Variants in ALDH1L2 observed in about 807,000 individuals in gnomAD.
ALDH1L2 encodes mitochondrial 10-formyltetrahydrofolate dehydrogenase.
ALDH1L2 carries 91 observed loss-of-function variants against 111.0 expected under a neutral mutation model. The observed-to-expected ratio is 0.82, with a 90% CI of 0.69 to 0.98. The LOEUF (loss-of-function observed/expected upper bound fraction) is 0.98, where lower values mean the gene tolerates loss of function less well. ALDH1L2 is among the 50% of genes least tolerant of loss of function. ALDH1L2 has a pLI of 0.00. For synonymous variants in ALDH1L2, 374 were observed against 392.6 expected, an observed-to-expected ratio of 0.95 and a Z score of 0.56; for missense variants, 995 against 1,126.8, an observed-to-expected ratio of 0.88 and a Z score of 1.67.
intron 9 of ALDH1L2, 106 bp downstream of exon 9, chr12:105,060,875 G>T: frequency 2.6e-6 from 2 of 775,074 alleles, no homozygotes; most frequent in Non-Finnish European, 2.1e-6. Flanking sequence ...GTATGATAAG[G>T]TAATCACATC....
chr12:105,054,275 A>G (rs1357164444), intron 10 of ALDH1L2, among the ~76,000 whole-genome samples: 1 of 152,214 alleles, frequency 6.6e-6, no homozygotes, highest in Non-Finnish European at 1.5e-5. Flanking sequence ...TTAAAAACAA[A>G]TGGGTGAGAA....
chr12:105,060,175 C>T (rs535036146), intron 9 of ALDH1L2, among the ~76,000 whole-genome samples: 4 of 145,352 alleles, frequency 2.8e-5, no homozygotes, highest in Non-Finnish European at 6.0e-5. Flanking sequence ...ATGGGGGGGG[C>T]GAGGGTAGGA....
At chr12:105,068,093 G>T (rs1404042155) in intron 4 of ALDH1L2, among the ~76,000 whole-genome samples, 2 of 152,116 alleles carry the variant, frequency 1.3e-5, no homozygotes, top group Non-Finnish European at 2.9e-5. Flanking sequence ...AATGATACAA[G>T]CAAAGCACTG....
At chr12:105,036,201 C>T (rs183360244) in intron 18 of ALDH1L2, among the ~76,000 whole-genome samples, 11 of 41,488 alleles carry the variant, frequency 2.7e-4, no homozygotes, top group South Asian at 1.1e-3. Flanking sequence ...ATAATATATA[C>T]ACGTATATTT....
chr12:105,026,353 G>A (rs1874406212), intron 22 of ALDH1L2, among the ~76,000 whole-genome samples, 192 bp downstream of exon 22: 2 of 152,108 alleles, frequency 1.3e-5, no homozygotes, highest in African/African-American at 4.8e-5. Flanking sequence ...CACAATGTGT[G>A]TACTTTTCTG....
chr12:105,079,506 G>C (rs1220573817), intron 1 of ALDH1L2, among the ~76,000 whole-genome samples: 5 of 152,160 alleles, frequency 3.3e-5, no homozygotes. Flanking sequence ...GGATGCCCAG[G>C]ACTCAGAGGC....
chr12:105,079,731 TACGAA>T (rs1323690208), intron 1 of ALDH1L2, among the ~76,000 whole-genome samples: 1 of 110,546 alleles, frequency 9.0e-6, no homozygotes, highest in Non-Finnish European at 2.2e-5. Flanking sequence ...ACAAGCTCCT[TACGAA>T]AAGAAAAGAT....
At chr12:105,061,292 C>G (rs970963334) in intron 8 of ALDH1L2, among the ~76,000 whole-genome samples, 1 of 152,106 alleles carries the variant, frequency 6.6e-6, no homozygotes, top group Non-Finnish European at 1.5e-5. Flanking sequence ...TAAACCTCCT[C>G]CACGCCATTC....
In ALDH1L2 at chr12:105,022,778, A is replaced by T. The variant is rs1303550658; in HGVS notation, c.*1646T>A. 1.3e-5 allele frequency: 2 copies of T among 152,232 alleles called. No individual in the cohort carries two copies. The highest frequency in any genetic ancestry group is 3.9e-4 in the East Asian group (2 of 5,180). 9.4% of individuals were successfully genotyped at this position (152,232 alleles called of 1,614,324 possible). On this transcript the variant is annotated 3_prime_UTR_variant, in exon 23 of 23. Transcript: ENST00000258494. ...TCAAACCTCCTATTCTTCCTTTTGA[A>T]AATGTTCTCTGACTCTGATTTTGTT...
At chr12:105,084,324 C>T (rs1592818461) in intron 1 of ALDH1L2, 65 bp downstream of exon 1, 5 of 1,435,126 alleles carry the variant, frequency 3.5e-6, no homozygotes, top group Non-Finnish European at 4.6e-6. Flanking sequence ...CCCCGGCCCT[C>T]CCGCCCCGGA....
intron 1 of ALDH1L2, 101 bp from the exon 2 acceptor site, chr12:105,074,106 T>C (rs758086668): frequency 6.9e-7 from 1 of 1,456,086 alleles, no homozygotes; most frequent in Non-Finnish European, 9.4e-7. Flanking sequence ...GTTCACTCTT[T>C]GGGTATCAGG....
chr12:105,038,264 A>G (rs73179912), intron 17 of ALDH1L2, 62 bp from the exon 18 acceptor site: 3 of 573,788 alleles, frequency 5.2e-6, no homozygotes, highest in East Asian at 7.0e-5. Context: ...TCTCTCTCAC[A>G]CACACACACA....
intron 7 of ALDH1L2, among the ~76,000 whole-genome samples, chr12:105,062,397 T>C (rs542958189): frequency 6.6e-6 from 1 of 152,266 alleles, no homozygotes; most frequent in Admixed American, 6.5e-5. Context: ...AGCTACAAAT[T>C]CCCTTTGCAC....
At chr12:105,069,195 C>G (rs1409502319) in intron 3 of ALDH1L2, among the ~76,000 whole-genome samples, 2 of 152,152 alleles carry the variant, frequency 1.3e-5, no homozygotes, top group Non-Finnish European at 2.9e-5. Context: ...GATCAGTTTT[C>G]TACTTCAAGA....
chr12:105,034,388 G>A lies in ALDH1L2; in HGVS notation c.2156C>T (p.Ala719Val). Residue 719 changes from alanine (A) to valine (V), a missense_variant, in exon 19 of 23, where the codon GCA becomes GTA. Transcript: ENST00000258494. ...GTTCTCTCCTTTGTTGAAAAATACT[G>A]CTCCCATGCCCTTCAGTGGGAGAAG... ...LDKAVRMGMG[A>V]VFFNKGENCI... 6.2e-7 allele frequency: 1 copy of A among 1,610,674 alleles called. No homozygotes were observed. The highest frequency in any genetic ancestry group is 2.2e-5 in the East Asian group (1 of 44,778).
intron 4 of ALDH1L2, among the ~76,000 whole-genome samples, chr12:105,067,011 G>A (rs1408797051): frequency 1.3e-5 from 2 of 152,140 alleles, no homozygotes; most frequent in Middle Eastern, 3.4e-3. Context: ...GGCGGATCAC[G>A]AAGTCAGGAG....
rs183717602 is a variant in ALDH1L2 at position 105,027,812 on chromosome 12, G to A, written c.2517-1068C>T. ...ATAAATTGGAAGATAAAAGTTCCCC[G>A]AGGGCAGGGATAACTTTATGTCTCA... On this transcript the variant is annotated intron_variant, in intron 21 of 22. Transcript: ENST00000258494. Among the ~76,000 whole-genome samples, 235 of 152,272 alleles carry A rather than the reference G, an allele frequency of 1.5e-3. 1 individual carries two copies. Among genetic ancestry groups the A allele is most frequent in the African/African-American group, 5.1e-3 (212 of 41,554 alleles).
intron 1 of ALDH1L2, among the ~76,000 whole-genome samples, chr12:105,081,748 G>C (rs1295593673): frequency 1.3e-5 from 2 of 152,244 alleles, no homozygotes; most frequent in Non-Finnish European, 2.9e-5. Context: ...ATTTAAGACA[G>C]AGGATGGAGA....
chr12:105,029,832 T>C (rs1422956145), intron 21 of ALDH1L2, among the ~76,000 whole-genome samples: 1 of 152,206 alleles, frequency 6.6e-6, no homozygotes, highest in Non-Finnish European at 1.5e-5. Flanking sequence ...CTGAACTCTT[T>C]GCAAAGTTTC....
Sources: gnomAD v4.1 joint callset for allele counts (sites outside exome capture counted in the v4.1 genomes callset) on GRCh38, gnomAD v4.1.1 for gene constraint, MANE v1.5 for transcripts, NCBI Gene and HGNC (gene_info 2026-07-23, HGNC 2026-07-21) for gene names.